Variants in RAPGEF6 observed in about 807,000 individuals in gnomAD.
RAPGEF6 encodes the protein Rap guanine nucleotide exchange factor 6.
In RAPGEF6, 56 loss-of-function variants were observed where a neutral mutation model predicts 171.4. The ratio of observed to expected loss-of-function variants is 0.33; its 90% CI spans 0.26 to 0.41. RAPGEF6 has a LOEUF of 0.41. Ranked by LOEUF, RAPGEF6 falls within the 10% of genes least tolerant of loss-of-function variation. The pLI is 1.00. For missense variants in RAPGEF6, 1,674 were observed against 1,921.4 expected (o/e 0.87, Z 2.41); for synonymous variants, 692 against 650.1 (o/e 1.06, Z -0.98).
chr5:131,593,976 G>A (rs759962995), intron 3 of RAPGEF6, among the ~76,000 whole-genome samples: 2 of 152,186 alleles, frequency 1.3e-5, no homozygotes, highest in African/African-American at 4.8e-5. Flanking sequence ...ATTCAAGCCC[G>A]CTGCAGAAAT....
chr5:131,428,810 C>T, intron 27 of RAPGEF6, 92 bp downstream of exon 27: 1 of 1,322,702 alleles, frequency 7.6e-7, no homozygotes. Context: ...TTTAAAGAAA[C>T]AATTACTAAT....
rs1193930298 is a variant in RAPGEF6 at position 131,603,264 on chromosome 5, T to G, written c.197+7A>C. 11 of 1,580,606 alleles carry G rather than the reference T, an allele frequency of 7.0e-6. No individual in the cohort carries two copies. The highest frequency in any genetic ancestry group is 9.5e-6 in the Non-Finnish European group (11 of 1,160,458). On this transcript the variant is annotated splice_region_variant and intron_variant, in intron 3 of 27. Coordinates refer to ENST00000509018, the MANE Select transcript of RAPGEF6 (RefSeq NM_016340.6). ...CATTAGTTTATGTGAATTATGGAAA[T>G]ACTTACCAAAAGAGAACCTGATTGC...
chr5:131,439,712 G>C lies in RAPGEF6; in HGVS notation c.3614C>G (p.Thr1205Arg), dbSNP rs753761531. 1.9e-6 allele frequency: 3 copies of C among 1,609,028 alleles called. No homozygotes were observed. The highest frequency in any genetic ancestry group is 2.5e-6 in the Non-Finnish European group (3 of 1,178,694). The change falls in exon 24 of 28, where the codon ACA becomes AGA. Residue 1205 changes from threonine to arginine, a missense_variant. Coordinates refer to ENST00000509018, the MANE Select transcript of RAPGEF6 (RefSeq NM_016340.6). ...KGQTKDPALNTSLPQKVLGTT... is the reference protein window; with the variant it reads ...KGQTKDPALNRSLPQKVLGTT... ...TCCTAAAACTTTCTGAGGTAAACTT[G>C]TATCTAAAAATAAAACCAAAGATGC...
intron 13 of RAPGEF6, 58 bp from the exon 14 acceptor site, chr5:131,492,843 A>G (rs746238138): frequency 5.8e-5 from 84 of 1,460,764 alleles, no homozygotes; most frequent in Non-Finnish European, 7.5e-5. Context: ...AGGTTTTTAA[A>G]AAGTCAACGA....
intron 15 of RAPGEF6, among the ~76,000 whole-genome samples, chr5:131,480,721 C>T (rs775586118): frequency 9.9e-5 from 15 of 152,070 alleles, no homozygotes; most frequent in Non-Finnish European, 1.8e-4. Context: ...TCAGGTGATT[C>T]GCCCACCTCG....
intron 1 of RAPGEF6, among the ~76,000 whole-genome samples, chr5:131,624,921 G>A (rs953251048): frequency 2.0e-5 from 3 of 152,024 alleles, no homozygotes; most frequent in Admixed American, 1.3e-4. Flanking sequence ...TCGGGAGTTC[G>A]AGACCAGCCT....
chr5:131,565,883 C>T (rs1036253356), intron 4 of RAPGEF6, among the ~76,000 whole-genome samples: 5 of 152,098 alleles, frequency 3.3e-5, no homozygotes, highest in African/African-American at 9.7e-5. Context: ...TAGTGGCTCA[C>T]GCCTGTAATC....
intron 17 of RAPGEF6, among the ~76,000 whole-genome samples, chr5:131,468,989 A>G (rs1028394450): frequency 1.3e-5 from 2 of 152,264 alleles, no homozygotes; most frequent in African/African-American, 4.8e-5. Context: ...CTCAAAATAT[A>G]ATAATGCATA....
chr5:131,597,138 A>G (rs1456645669), intron 3 of RAPGEF6, among the ~76,000 whole-genome samples: 5 of 152,208 alleles, frequency 3.3e-5, no homozygotes, highest in Non-Finnish European at 7.4e-5. Flanking sequence ...TAAACTAATC[A>G]TCAGGGAAAT....
chr5:131,434,586 T>TA (rs1173182902), intron 24 of RAPGEF6, among the ~76,000 whole-genome samples: 2 of 152,226 alleles, frequency 1.3e-5, no homozygotes, highest in Middle Eastern at 3.2e-3. Flanking sequence ...GTGTCATACT[T>TA]AGTTTCCTTT....
At chr5:131,526,655 C>G (rs1338049075) in intron 6 of RAPGEF6, among the ~76,000 whole-genome samples, 2 of 152,204 alleles carry the variant, frequency 1.3e-5, no homozygotes, top group Non-Finnish European at 2.9e-5. Context: ...CCTGCCCTTT[C>G]TCTTTCTCTT....
rs1313080435 is a variant in RAPGEF6, at chr5:131,472,639, G to A, written c.2187C>T (p.Ser729=). ...TGGTGGTAGGCTGCAGGAGATCAGG[G>A]CTGCTGGATGAGAGTGTTCCAGGGA... ...MPIPGTLSSS[S]PDLLQPTTSM... The change falls in exon 17 of 28, where the codon AGC becomes AGT. Residue 729 remains serine, a synonymous_variant. Transcript: ENST00000509018. 1 of 1,614,098 alleles carries A rather than the reference G, an allele frequency of 6.2e-7. No individual in the cohort carries two copies. The highest frequency in any genetic ancestry group is 8.5e-7 in the Non-Finnish European group (1 of 1,179,932).
At chr5:131,606,827 T>C (rs1764627752) in intron 1 of RAPGEF6, among the ~76,000 whole-genome samples, 2 of 152,232 alleles carry the variant, frequency 1.3e-5, no homozygotes, top group East Asian at 1.9e-4. Context: ...AAAGGCCACA[T>C]GGAATAACAC....
Position 131,464,287 on chromosome 5 carries a change from T to A in RAPGEF6, c.2240-6A>T. The A allele has an allele frequency of 6.2e-7, 1 of 1,605,074 alleles. No homozygotes were observed. The highest frequency in any genetic ancestry group is 1.1e-5 in the South Asian group (1 of 90,578). ...TATAACTTGATCAGGGATATCTACA[T>A]AAATAGAAAGATATGCTTTGTTATT... On this transcript the variant is annotated splice_region_variant and splice_polypyrimidine_tract_variant and intron_variant, in intron 17 of 27. Transcript: ENST00000509018.
At chr5:131,582,164 T>C (rs772975479) in intron 4 of RAPGEF6, among the ~76,000 whole-genome samples, 5 of 152,202 alleles carry the variant, frequency 3.3e-5, no homozygotes, top group South Asian at 2.1e-4. Context: ...TGGTCTCTTA[T>C]ATGGATGCAG....
intron 19 of RAPGEF6, among the ~76,000 whole-genome samples, chr5:131,458,557 T>G (rs1471354256): frequency 1.3e-5 from 2 of 152,246 alleles, no homozygotes; most frequent in African/African-American, 4.8e-5. Context: ...GTGGAATAAG[T>G]GTTCTTGGAT....
At chr5:131,453,531 C>T (rs1753252859) in intron 20 of RAPGEF6, among the ~76,000 whole-genome samples, 1 of 152,030 alleles carries the variant, frequency 6.6e-6, no homozygotes, top group South Asian at 2.1e-4. Flanking sequence ...TTTGAGGCTG[C>T]AATGAGCCAT....
Position 131,510,410 on chromosome 5 carries a change from C to A in RAPGEF6, c.709G>T (p.Asp237Tyr). The A allele has an allele frequency of 1.9e-6, 3 of 1,614,186 alleles. No individual in the cohort carries two copies. Among genetic ancestry groups the A allele is most frequent in the Non-Finnish European group, 2.5e-6 (3 of 1,180,032 alleles). Residue 237 changes from aspartate (D) to tyrosine (Y), a missense_variant, in exon 8 of 28, where the codon GAT becomes TAT. Physicochemically the swap from Asp to Tyr is radical, Grantham distance 160. Transcript: ENST00000509018. ...PVDSEDDEEE[D>Y]EEIDRTDPLQ... ...GGATCTGTTCGATCAATCTCTTCAT[C>A]TTCCTCTTCGTCATCCTCAGAATCA...
At chr5:131,609,133 A>T (rs367867402) in intron 1 of RAPGEF6, among the ~76,000 whole-genome samples, 54 of 152,176 alleles carry the variant, frequency 3.5e-4, no homozygotes, top group East Asian at 2.7e-3. Context: ...ACTTTTTGCC[A>T]TGAGTAGAAG....
Sources: allele counts gnomAD v4.1 joint callset (sites outside exome capture counted in the v4.1 genomes callset), GRCh38; gene constraint gnomAD v4.1.1; transcripts MANE v1.5; gene names NCBI Gene and HGNC (gene_info 2026-07-23, HGNC 2026-07-21).